KDM4C: variants seen among roughly 807,000 people sequenced by gnomAD.
KDM4C encodes the protein lysine-specific demethylase 4C.
In KDM4C, 81 loss-of-function variants were observed where a neutral mutation model predicts 129.3. That is an observed-to-expected ratio of 0.63 (90% CI 0.52 to 0.75). KDM4C has a LOEUF of 0.75. Among genes scored for constraint, KDM4C ranks in the 30% least tolerant of loss-of-function variants. The pLI, the probability that KDM4C is intolerant of heterozygous loss-of-function variation, is 0.00. For synonymous variants in KDM4C, 573 were observed against 456.1 expected (o/e 1.26, Z -3.26); for missense variants, 1,457 against 1,304.0 (o/e 1.12, Z -1.81).
chr9:6,841,600 G>T (rs528374582), intron 4 of KDM4C, among the ~76,000 whole-genome samples: 1 of 152,242 alleles, frequency 6.6e-6, no homozygotes, highest in South Asian at 2.1e-4. Context: ...CCTAAAATAT[G>T]CCAGAGTGAA....
At chr9:6,835,111 C>G in intron 4 of KDM4C, 1 of 1,008,730 alleles carries the variant, frequency 9.9e-7, no homozygotes, top group Non-Finnish European at 1.6e-6. Context: ...CTATGTTGCT[C>G]TGGCCTTCGA....
At chr9:6,781,381 TG>T (rs199864122) in intron 1 of KDM4C, among the ~76,000 whole-genome samples, 12,072 of 150,062 alleles carry the variant, frequency 0.08, 681 homozygotes, top group South Asian at 0.23. Context: ...TCTTGTTTTT[TG>T]TGTTTTTTTT....
rs948410956 is a variant in KDM4C at position 7,164,674 on chromosome 9, C to T, written c.2782-564C>T. Reference sequence around the variant, plus strand: ...GCAAGTCCTACCGGCTTCAATCGCACGCCATTTGTCCCCTGCTCCACTTCC... The same window carrying T: ...GCAAGTCCTACCGGCTTCAATCGCATGCCATTTGTCCCCTGCTCCACTTCC... On this transcript the variant is annotated intron_variant, in intron 19 of 21. Coordinates refer to ENST00000381309, the MANE Select transcript of KDM4C (RefSeq NM_015061.6). Among the ~76,000 whole-genome samples the T allele has an allele frequency of 3.9e-5, 6 of 152,320 alleles. No individual in the cohort carries two copies. In the East Asian group the frequency reaches 5.8e-4, roughly 15 times the overall value.
At chr9:6,755,303 G>C (rs1421928369), upstream of KDM4C, among the ~76,000 whole-genome samples, 1 of 152,170 alleles carries the variant, frequency 6.6e-6, no homozygotes. Flanking sequence ...CCCAGGAGGC[G>C]GAGGTTGCAG....
At chr9:6,823,652 C>T (rs981929142) in intron 4 of KDM4C, among the ~76,000 whole-genome samples, 17 of 152,234 alleles carry the variant, frequency 1.1e-4, no homozygotes, top group Non-Finnish European at 2.4e-4. Flanking sequence ...CCCCTACCCT[C>T]TCCTGTACCA....
At chr9:7,017,061 G>C (rs567507316) in intron 15 of KDM4C, among the ~76,000 whole-genome samples, 2 of 151,998 alleles carry the variant, frequency 1.3e-5, no homozygotes, top group East Asian at 3.9e-4. Context: ...TCACCCTCCT[G>C]GGTAGCTGGG....
At chr9:7,120,147 C>T (rs1839339911) in intron 18 of KDM4C, among the ~76,000 whole-genome samples, 1 of 139,694 alleles carries the variant, frequency 7.2e-6, no homozygotes, top group Non-Finnish European at 1.5e-5. Context: ...GCTCATCAGG[C>T]AAGGAATGAT....
chr9:6,841,692 T>C (rs972137688), intron 4 of KDM4C, among the ~76,000 whole-genome samples: 1 of 152,206 alleles, frequency 6.6e-6, no homozygotes, highest in African/African-American at 2.4e-5. Context: ...CGTGTTGATA[T>C]TGTAGCAGTT....
At chr9:7,100,567 T>G (rs974024999) in intron 17 of KDM4C, among the ~76,000 whole-genome samples, 18 of 152,200 alleles carry the variant, frequency 1.2e-4, no homozygotes, top group African/African-American at 4.1e-4. Context: ...CTTGAACTCC[T>G]GACCTCAGGT....
rs144488736 is a variant in KDM4C at position 6,945,139 on chromosome 9, C to T, written c.922-35786C>T. On this transcript the variant is annotated intron_variant, in intron 8 of 21. Transcript: ENST00000381309. ...TACTCACTGCACGAACCCGTGGACCCGCACACATACTCACGAAAATGCTCA... is the reference window on the plus strand; with the variant it reads ...TACTCACTGCACGAACCCGTGGACCTGCACACATACTCACGAAAATGCTCA... Among the ~76,000 whole-genome samples, 14 of 152,242 alleles carry T rather than the reference C, an allele frequency of 9.2e-5. No homozygotes were observed. In the East Asian group the frequency reaches 1.2e-3, roughly 13 times the overall value.
At chr9:6,829,925 G>C (rs1834530575) in intron 4 of KDM4C, among the ~76,000 whole-genome samples, 1 of 152,134 alleles carries the variant, frequency 6.6e-6, no homozygotes, top group Non-Finnish European at 1.5e-5. Flanking sequence ...AGATATAAAA[G>C]CCTGTGTTTT....
At chr9:7,075,595 G>T (rs976443237) in intron 17 of KDM4C, among the ~76,000 whole-genome samples, 3 of 152,122 alleles carry the variant, frequency 2.0e-5, no homozygotes, top group African/African-American at 7.2e-5. Context: ...GCTTTCCACA[G>T]TGAGTTGAAG....
At chr9:6,730,246 A>T (rs1817276539) in intron 1 of KDM4C, among the ~76,000 whole-genome samples, 1 of 152,226 alleles carries the variant, frequency 6.6e-6, no homozygotes. Context: ...CCTGGACCTG[A>T]TTCTAAGCTG....
chr9:6,761,245 G>T (rs1199421653), intron 1 of KDM4C, among the ~76,000 whole-genome samples: 2 of 151,870 alleles, frequency 1.3e-5, no homozygotes, highest in East Asian at 3.9e-4. Context: ...CTGACCTCAG[G>T]TGATCCGCCC....
At chr9:6,938,731 G>A (rs57005961) in intron 8 of KDM4C, among the ~76,000 whole-genome samples, 38,925 of 151,936 alleles carry the variant, frequency 0.26, 5,440 homozygotes, top group South Asian at 0.4. Flanking sequence ...AACTTCAAAT[G>A]GTTTTTACTT....
intron 4 of KDM4C, among the ~76,000 whole-genome samples, chr9:6,837,167 C>G (rs965012888): frequency 6.6e-6 from 1 of 152,112 alleles, no homozygotes; most frequent in African/African-American, 2.4e-5. Flanking sequence ...AAGTGATCGT[C>G]CCACCTCAGC....
intron 8 of KDM4C, among the ~76,000 whole-genome samples, chr9:6,930,411 C>T (rs1823456356): frequency 6.6e-6 from 1 of 151,548 alleles, no homozygotes; most frequent in Non-Finnish European, 1.5e-5. Context: ...GAAAATAAAG[C>T]ACGCGTTGAA....
chr9:7,110,050 T>C (rs1321374267), intron 18 of KDM4C, among the ~76,000 whole-genome samples: 1 of 152,198 alleles, frequency 6.6e-6, no homozygotes, highest in African/African-American at 2.4e-5. Flanking sequence ...TAAACCTCTT[T>C]CCTTTGTAAA....
At chr9:6,835,676 T>C (rs1377044059) in intron 4 of KDM4C, 1 of 685,720 alleles carries the variant, frequency 1.5e-6, no homozygotes, top group African/African-American at 1.8e-5. Flanking sequence ...TTGTTTTGTT[T>C]TGTTTTTGTT....
Sources: allele counts gnomAD v4.1 joint callset (sites outside exome capture counted in the v4.1 genomes callset), GRCh38; gene constraint gnomAD v4.1.1; transcripts MANE v1.5; gene names NCBI Gene and HGNC (gene_info 2026-07-23, HGNC 2026-07-21).